Variants in FAM81A observed in about 807,000 individuals in gnomAD.
FAM81A encodes protein FAM81A.
A neutral mutation model predicts 46.7 loss-of-function variants in FAM81A; 19 were observed. That is an observed-to-expected ratio of 0.41 (90% CI 0.28 to 0.60). The LOEUF is 0.60. Among genes scored for constraint, FAM81A ranks in the 20% least tolerant of loss-of-function variants. FAM81A has a pLI of 0.34. For synonymous variants in FAM81A, 183 were observed against 152.9 expected (o/e 1.20, Z -1.45); for missense variants, 377 against 453.5 (o/e 0.83, Z 1.53).
chr15:59,473,926 C>T lies in FAM81A; in HGVS notation c.294+13720C>T, dbSNP rs370354895. ...TCCTGGGCCCAAGCAGTCCTCTCAC[C>T]TTGGCCTCCCAAAGTGTTGGGATTA... On this transcript the variant is annotated intron_variant, in intron 3 of 8. Coordinates refer to ENST00000288228, the MANE Select transcript of FAM81A (RefSeq NM_152450.3). Among the ~76,000 whole-genome samples the T allele has an allele frequency of 5.9e-5, 9 of 152,310 alleles. No homozygotes were observed. The East Asian group carries it at 1.7e-3, about 29-fold the overall frequency.
intron 4 of FAM81A, among the ~76,000 whole-genome samples, chr15:59,503,473 A>G (rs2082116782): frequency 6.6e-6 from 1 of 152,136 alleles, no homozygotes; most frequent in African/African-American, 2.4e-5. Context: ...GTTTTTCCAC[A>G]TAACATGTGG....
intron 3 of FAM81A, among the ~76,000 whole-genome samples, chr15:59,483,022 A>G (rs1446007236): frequency 6.6e-6 from 1 of 152,080 alleles, no homozygotes; most frequent in African/African-American, 2.4e-5. Flanking sequence ...AGGTCTTGCA[A>G]TTCTAAATTC....
intron 2 of FAM81A, among the ~76,000 whole-genome samples, chr15:59,404,196 A>G (rs1249108034): frequency 6.6e-6 from 1 of 151,984 alleles, no homozygotes; most frequent in Non-Finnish European, 1.5e-5. Context: ...TTGTTTCTAA[A>G]GGTAAACCTC....
chr15:59,516,781 C>G lies in FAM81A; in HGVS notation c.923C>G (p.Thr308Ser). 1.2e-6 allele frequency: 2 copies of G among 1,612,704 alleles called. No homozygotes were observed. Among genetic ancestry groups the G allele is most frequent in the Non-Finnish European group, 1.7e-6 (2 of 1,179,468 alleles). ...GAGGAGAAGATGCACGGGCGAATCACCAAGCTGGAGTTACAGATGAACCAG... is the reference window on the plus strand; with the variant it reads ...GAGGAGAAGATGCACGGGCGAATCAGCAAGCTGGAGTTACAGATGAACCAG... Reference protein sequence around the residue: ...QEEEKMHGRITKLELQMNQNI... With the variant: ...QEEEKMHGRISKLELQMNQNI... Residue 308 changes from threonine to serine, a missense_variant, in exon 8 of 9, where the codon ACC becomes AGC. Transcript: ENST00000288228.
chr15:59,444,062 A>G (rs1486293603), intron 1 of FAM81A: 1 of 152,322 alleles, frequency 6.6e-6, no homozygotes, highest in Non-Finnish European at 1.5e-5. Flanking sequence ...CCTTCTGCCC[A>G]GTGGCACTGA....
At chr15:59,508,601 T>C (rs1264758006) in intron 5 of FAM81A, among the ~76,000 whole-genome samples, 3 of 152,192 alleles carry the variant, frequency 2.0e-5, no homozygotes, top group Non-Finnish European at 4.4e-5. Context: ...TGGGTAGGAA[T>C]TGGGCTTGCT....
chr15:59,417,186 A>T (rs1162784280), intron 2 of FAM81A, among the ~76,000 whole-genome samples: 1 of 152,152 alleles, frequency 6.6e-6, no homozygotes, highest in Non-Finnish European at 1.5e-5. Flanking sequence ...GAAGGTCCAG[A>T]TGGATGCGTG....
At chr15:59,437,873 G>A (rs1173991961), upstream of FAM81A, among the ~76,000 whole-genome samples, 1 of 152,068 alleles carries the variant, frequency 6.6e-6, no homozygotes, top group Non-Finnish European at 1.5e-5. Flanking sequence ...TCCAATGAGC[G>A]AAATCCCCGC....
At chr15:59,464,217 T>C (rs1215744402) in intron 3 of FAM81A, among the ~76,000 whole-genome samples, 1 of 152,240 alleles carries the variant, frequency 6.6e-6, no homozygotes, top group Non-Finnish European at 1.5e-5. Flanking sequence ...CATTCATCCA[T>C]TGTTGGACAC....
intron 3 of FAM81A, among the ~76,000 whole-genome samples, chr15:59,487,373 GCAAAC>G (rs150666950): frequency 0.086 from 12,998 of 150,616 alleles, 687 homozygotes; most frequent in African/African-American, 0.15. Flanking sequence ...AAAAGCAAGA[GCAAAC>G]CAAACCCAAA....
intron 4 of FAM81A, among the ~76,000 whole-genome samples, chr15:59,499,343 G>A (rs1207990070): frequency 1.1e-4 from 17 of 152,044 alleles, no homozygotes; most frequent in African/African-American, 3.9e-4. Flanking sequence ...TATCAAATAC[G>A]TTAAATTTGT....
upstream of FAM81A, among the ~76,000 whole-genome samples, chr15:59,434,529 C>G (rs565563078): frequency 7.9e-5 from 12 of 152,316 alleles, no homozygotes; most frequent in African/African-American, 2.4e-4. Flanking sequence ...CAGGACTTGT[C>G]CCCTGGAAAC....
intron 3 of FAM81A, among the ~76,000 whole-genome samples, chr15:59,485,013 C>A (rs573379231): frequency 7.2e-5 from 11 of 152,066 alleles, no homozygotes; most frequent in Non-Finnish European, 1.0e-4. Flanking sequence ...ATGTGGTAGA[C>A]GTAGGGAGAC....
At chr15:59,448,867 G>A (rs1029919734) in intron 1 of FAM81A, among the ~76,000 whole-genome samples, 1 of 152,062 alleles carries the variant, frequency 6.6e-6, no homozygotes, top group Non-Finnish European at 1.5e-5. Context: ...GCATTGCTAT[G>A]TTGCACAGGC....
At chr15:59,402,014 G>A (rs1051643243) in intron 1 of FAM81A, 8 of 615,746 alleles carry the variant, frequency 1.3e-5, no homozygotes, top group South Asian at 7.6e-5. Context: ...TGTTGACGCC[G>A]CAGAGCTGCC....
chr15:59,519,490 TCCTC>T (rs1352988462), intron 8 of FAM81A, among the ~76,000 whole-genome samples: 1 of 140,218 alleles, frequency 7.1e-6, no homozygotes, highest in African/African-American at 2.6e-5. Context: ...CTTCCTTCCT[TCCTC>T]CCTCCTTCTC....
chr15:59,507,126 G>C (rs574323160), intron 4 of FAM81A, 87 bp from the exon 5 acceptor site: 1 of 1,476,364 alleles, frequency 6.8e-7, no homozygotes, highest in South Asian at 1.3e-5. Flanking sequence ...TCTTTGAGTG[G>C]GTTTTGCATT....
At chr15:59,401,428 G>A in intron 1 of FAM81A, 1 of 804,206 alleles carries the variant, frequency 1.2e-6, no homozygotes, top group Non-Finnish European at 2.3e-6. Flanking sequence ...GTAGGCAAAA[G>A]GTGACTTTCA....
chr15:59,467,458 C>G (rs1421806455), intron 3 of FAM81A, among the ~76,000 whole-genome samples: 1 of 152,062 alleles, frequency 6.6e-6, no homozygotes, highest in Non-Finnish European at 1.5e-5. Context: ...GTATTTTATT[C>G]TCTTTGTAGC....
Sources: gnomAD v4.1 joint callset for allele counts (sites outside exome capture counted in the v4.1 genomes callset) on GRCh38, gnomAD v4.1.1 for gene constraint, MANE v1.5 for transcripts, NCBI Gene and HGNC (gene_info 2026-07-23, HGNC 2026-07-21) for gene names.